Variants in NCAM2 observed in about 807,000 individuals in gnomAD.
NCAM2 encodes N-CAM-2.
NCAM2 carries 30 observed loss-of-function variants against 98.1 expected under a neutral mutation model. The ratio of observed to expected loss-of-function variants is 0.31; its 90% confidence interval spans 0.23 to 0.41. The LOEUF (loss-of-function observed/expected upper bound fraction) is 0.41, where lower values mean the gene tolerates loss of function less well. Ranked by LOEUF, NCAM2 falls within the 10% of genes least tolerant of loss-of-function variation. The probability of loss-of-function intolerance (pLI) is 1.00; values close to 1 mark genes in which losing one functional copy is unlikely to be tolerated. For missense variants in NCAM2, 867 were observed against 1,005.8 expected (o/e 0.86, Z 1.87); for synonymous variants, 368 against 342.4 (o/e 1.07, Z -0.83).
At chr21:21,391,904 T>G (rs1376710358) in intron 9 of NCAM2, among the ~76,000 whole-genome samples, 2 of 152,156 alleles carry the variant, frequency 1.3e-5, no homozygotes, top group East Asian at 3.9e-4. Flanking sequence ...AGAGCAATTA[T>G]CAATGAGTTC....
intron 5 of NCAM2, among the ~76,000 whole-genome samples, chr21:21,297,936 A>AT (rs983830694): frequency 6.6e-6 from 1 of 151,804 alleles, no homozygotes; most frequent in Non-Finnish European, 1.5e-5. Flanking sequence ...TTGAGATTGG[A>AT]TAAAAAACAC....
At chr21:21,216,224 A>G (rs1225200483) in intron 1 of NCAM2, among the ~76,000 whole-genome samples, 1 of 152,228 alleles carries the variant, frequency 6.6e-6, no homozygotes, top group Non-Finnish European at 1.5e-5. Context: ...ATTAGCTGGC[A>G]CGAGGAGTCT....
Position 21,541,549 on chromosome 21 carries a change from T to A in NCAM2, c.*3592T>A, listed in dbSNP as rs149018697. On this transcript the variant is annotated 3_prime_UTR_variant, in exon 18 of 18. Transcript: ENST00000400546. ...CCAGTTGTAAGACAAAGACAACAGA[T>A]AACTTTTGAAAATCAAGCAAATTAC... is the stretch of plus-strand genomic sequence containing the variant. 4.6e-5 allele frequency: 7 copies of A among 151,768 alleles called. No individual in the cohort carries two copies. The highest frequency in any genetic ancestry group is 8.9e-5 in the Non-Finnish European group (6 of 67,768). The allele number at this position is 151,768 out of a possible 1,614,324, so 9.4% of individuals were successfully genotyped here.
At chr21:21,216,860 T>C (rs538437840) in intron 1 of NCAM2, among the ~76,000 whole-genome samples, 1 of 152,280 alleles carries the variant, frequency 6.6e-6, no homozygotes, top group Non-Finnish European at 1.5e-5. Flanking sequence ...CAGAGCCACA[T>C]GACACAAATT....
At chr21:21,240,245 T>C (rs1296020597) in intron 1 of NCAM2, among the ~76,000 whole-genome samples, 1 of 152,130 alleles carries the variant, frequency 6.6e-6, no homozygotes, top group Non-Finnish European at 1.5e-5. Context: ...TGTATTCCCA[T>C]TGGTGGTGGC....
chr21:21,342,138 A>G (rs2075060748), intron 8 of NCAM2, among the ~76,000 whole-genome samples: 3 of 152,204 alleles, frequency 2.0e-5, no homozygotes, highest in Admixed American at 2.0e-4. Flanking sequence ...CACGAGTAGC[A>G]TTCACTGCCC....
At chr21:21,119,000 T>A (rs2186976) in intron 1 of NCAM2, among the ~76,000 whole-genome samples, 89,525 of 151,844 alleles carry the variant, frequency 0.59, 27,048 homozygotes, top group East Asian at 0.83. Flanking sequence ...TCTTGTCACC[T>A]CCTCTTTTTG....
intron 1 of NCAM2, among the ~76,000 whole-genome samples, chr21:21,264,663 A>G (rs2072059439): frequency 6.6e-6 from 1 of 150,522 alleles, no homozygotes; most frequent in South Asian, 2.1e-4. Context: ...GCATATATAT[A>G]TATACACACA....
intron 5 of NCAM2, among the ~76,000 whole-genome samples, chr21:21,295,679 T>C (rs1601894315): frequency 6.6e-6 from 1 of 151,836 alleles, no homozygotes; most frequent in East Asian, 1.9e-4. Flanking sequence ...GGCACCTTGA[T>C]GAACACAGGA....
chr21:21,446,122 T>C (rs1049143340), intron 12 of NCAM2, among the ~76,000 whole-genome samples: 3 of 152,156 alleles, frequency 2.0e-5, no homozygotes, highest in Non-Finnish European at 4.4e-5. Context: ...AAATTCTGCA[T>C]TGAAAATGCT....
rs887889471 is a variant in NCAM2, at chr21:21,311,933, C to T, written c.620-12450C>T. On this transcript the variant is annotated intron_variant, in intron 5 of 17. Coordinates refer to ENST00000400546, the MANE Select transcript of NCAM2 (RefSeq NM_004540.5). Reference sequence around the variant, plus strand: ...TTCCTTGAGTTTATATTGTATATAACAATCTATTTCTAATTTCTGCAAATT... The same window carrying T: ...TTCCTTGAGTTTATATTGTATATAATAATCTATTTCTAATTTCTGCAAATT... 6.6e-5 allele frequency among the ~76,000 whole-genome samples: 10 copies of T among 152,216 alleles called. No individual in the cohort carries two copies. The South Asian group carries it at 2.1e-3, about 32-fold the overall frequency.
At chr21:21,409,304 T>A (rs1035908434) in intron 9 of NCAM2, among the ~76,000 whole-genome samples, 2 of 152,176 alleles carry the variant, frequency 1.3e-5, no homozygotes, top group African/African-American at 2.4e-5. Context: ...TGTTTTCTCT[T>A]AACTTCTGTG....
chr21:21,197,363 C>T (rs2069041599), intron 1 of NCAM2, among the ~76,000 whole-genome samples: 1 of 152,140 alleles, frequency 6.6e-6, no homozygotes, highest in African/African-American at 2.4e-5. Flanking sequence ...CTCCTGGCCT[C>T]AAGTGATCTG....
intron 16 of NCAM2, among the ~76,000 whole-genome samples, chr21:21,521,977 T>G (rs1262133155): frequency 1.3e-5 from 2 of 149,966 alleles, no homozygotes; most frequent in African/African-American, 2.4e-5. Context: ...TACATCATAT[T>G]CAAACTGCAG....
intron 1 of NCAM2, among the ~76,000 whole-genome samples, chr21:21,264,815 C>T (rs1409146171): frequency 1.0e-4 from 14 of 135,410 alleles, no homozygotes; most frequent in African/African-American, 3.2e-4. Context: ...TATACACACA[C>T]GTATATATAT....
At chr21:21,341,853 A>T (rs755621887) in intron 8 of NCAM2, among the ~76,000 whole-genome samples, 9 of 152,160 alleles carry the variant, frequency 5.9e-5, no homozygotes, top group Non-Finnish European at 1.2e-4. Flanking sequence ...CACAGTCCCA[A>T]GTAGCATGAG....
intron 8 of NCAM2, among the ~76,000 whole-genome samples, chr21:21,342,575 T>C (rs943686844): frequency 3.3e-5 from 5 of 152,162 alleles, no homozygotes; most frequent in Non-Finnish European, 7.4e-5. Context: ...ACAGAGAACA[T>C]TTCAGAAGAA....
chr21:21,533,557 C>A (rs963648382), intron 16 of NCAM2, among the ~76,000 whole-genome samples: 5 of 151,640 alleles, frequency 3.3e-5, no homozygotes, highest in African/African-American at 1.2e-4. Flanking sequence ...AAGTTGGTTA[C>A]AATTTTTGGC....
rs559013508 is a variant in NCAM2, at chr21:21,454,166, T to A, written c.1655-12440T>A. Reference sequence around the variant, plus strand: ...TACTAATTACAAAACTCTAGAGTGATGTTAAATTTTTCATGCATTAAACAA... The same window carrying A: ...TACTAATTACAAAACTCTAGAGTGAAGTTAAATTTTTCATGCATTAAACAA... On this transcript the variant is annotated intron_variant, in intron 12 of 17. Transcript: ENST00000400546. Among the ~76,000 whole-genome samples, 23 of 152,152 alleles carry A rather than the reference T, an allele frequency of 1.5e-4. No individual in the cohort carries two copies. The East Asian group carries it at 4.4e-3, about 29-fold the overall frequency.
Sources: gnomAD v4.1 joint callset for allele counts (sites outside exome capture counted in the v4.1 genomes callset) on GRCh38, gnomAD v4.1.1 for gene constraint, MANE v1.5 for transcripts, NCBI Gene and HGNC (gene_info 2026-07-23, HGNC 2026-07-21) for gene names.